KCNQ5: variants seen among roughly 807,000 people sequenced by gnomAD.
KCNQ5 encodes the protein potassium voltage-gated channel subfamily Q member 5.
A neutral mutation model predicts 98.2 loss-of-function variants in KCNQ5; 30 were observed. The ratio of observed to expected loss-of-function variants is 0.31; its 90% CI spans 0.23 to 0.41. The LOEUF (loss-of-function observed/expected upper bound fraction) is 0.41, where lower values mean the gene tolerates loss of function less well. Among genes scored for constraint, KCNQ5 ranks in the 10% least tolerant of loss-of-function variants. The pLI is 1.00. For missense variants in KCNQ5, 835 were observed against 1,182.5 expected, an observed-to-expected ratio of 0.71 and a Z score of 4.31; for synonymous variants, 458 against 449.4, an observed-to-expected ratio of 1.02 and a Z score of -0.24.
chr6:72,662,158 A>C (rs575319563), intron 1 of KCNQ5, among the ~76,000 whole-genome samples: 7 of 152,216 alleles, frequency 4.6e-5, no homozygotes, highest in Middle Eastern at 3.4e-3. Flanking sequence ...TTTTCCTCTC[A>C]GCACATTTAT....
intron 1 of KCNQ5, among the ~76,000 whole-genome samples, chr6:72,851,907 A>G (rs1307507743): frequency 2.6e-5 from 4 of 152,166 alleles, no homozygotes; most frequent in African/African-American, 9.6e-5. Flanking sequence ...GTAGATTGAT[A>G]TCAATAAATT....
intron 1 of KCNQ5, among the ~76,000 whole-genome samples, chr6:72,779,864 TG>T (rs1761773901): frequency 1.5e-5 from 2 of 131,880 alleles, no homozygotes; most frequent in Non-Finnish European, 3.5e-5. Flanking sequence ...TGTGTGTGTG[TG>T]TGTGTGTGTG....
At chr6:72,734,324 GTTTGTTTGTT>G (rs1770710648) in intron 1 of KCNQ5, among the ~76,000 whole-genome samples, 1 of 66,844 alleles carries the variant, frequency 1.5e-5, no homozygotes, top group African/African-American at 2.2e-4. Context: ...TTGTTTGTTT[GTTTGTTTGTT>G]TGTTTGAGAC....
chr6:72,946,304 A>G (rs914347080), intron 1 of KCNQ5, among the ~76,000 whole-genome samples: 17 of 152,228 alleles, frequency 1.1e-4, no homozygotes, highest in African/African-American at 3.9e-4. Flanking sequence ...TTACTTGATG[A>G]TTCTATTAAA....
At chr6:72,850,099 T>C (rs1305912180) in intron 1 of KCNQ5, among the ~76,000 whole-genome samples, 1 of 152,138 alleles carries the variant, frequency 6.6e-6, no homozygotes, top group Non-Finnish European at 1.5e-5. Flanking sequence ...AATATTAGGG[T>C]CTTCTTTTAC....
intron 1 of KCNQ5, among the ~76,000 whole-genome samples, chr6:72,797,818 A>T (rs1774421510): frequency 6.6e-6 from 1 of 152,196 alleles, no homozygotes; most frequent in Non-Finnish European, 1.5e-5. Context: ...ATATTAAATC[A>T]TTGGGATATT....
intron 1 of KCNQ5, among the ~76,000 whole-genome samples, chr6:72,823,503 A>C (rs866672165): frequency 2.6e-5 from 4 of 152,270 alleles, no homozygotes; most frequent in Middle Eastern, 6.8e-3. Flanking sequence ...CAGTGACACC[A>C]TTTCTTACTA....
intron 1 of KCNQ5, among the ~76,000 whole-genome samples, chr6:72,944,977 T>C (rs1385846487): frequency 1.3e-5 from 2 of 152,196 alleles, no homozygotes; most frequent in Admixed American, 6.5e-5. Flanking sequence ...TTGATTCTTA[T>C]TCCCTTAAGT....
At chr6:72,710,094 C>A (rs1287140369) in intron 1 of KCNQ5, among the ~76,000 whole-genome samples, 6 of 151,998 alleles carry the variant, frequency 3.9e-5, no homozygotes, top group Non-Finnish European at 8.8e-5. Context: ...TAGGAAAAGG[C>A]CTGGTCTTCT....
chr6:72,987,602 AG>A (rs1327724074), intron 1 of KCNQ5: 343 of 900 alleles, frequency 0.38, 1 homozygote, highest in Non-Finnish European at 0.42. Context: ...AGCCTGCAGC[AG>A]AACCTGCAGC....
At chr6:72,862,245 T>A (rs927636835) in intron 1 of KCNQ5, among the ~76,000 whole-genome samples, 1 of 152,190 alleles carries the variant, frequency 6.6e-6, no homozygotes, top group Admixed American at 6.5e-5. Flanking sequence ...TAGAACTGCT[T>A]CTTGGAAAGT....
At chr6:72,885,349 TA>T (rs1158564222) in intron 1 of KCNQ5, among the ~76,000 whole-genome samples, 1 of 152,128 alleles carries the variant, frequency 6.6e-6, no homozygotes, top group African/African-American at 2.4e-5. Flanking sequence ...CTGAAAAAGA[TA>T]AAAAATTCGA....
At chr6:72,881,102 A>T (rs1014459940) in intron 1 of KCNQ5, among the ~76,000 whole-genome samples, 5 of 152,212 alleles carry the variant, frequency 3.3e-5, no homozygotes, top group Non-Finnish European at 4.4e-5. Flanking sequence ...ACAGGGCTAA[A>T]TATTTTATAT....
intron 1 of KCNQ5, among the ~76,000 whole-genome samples, chr6:72,828,307 A>T (rs1776089265): frequency 6.6e-6 from 1 of 152,126 alleles, no homozygotes; most frequent in Non-Finnish European, 1.5e-5. Flanking sequence ...GAATCTGTAG[A>T]TTGCATTGGG....
At chr6:72,946,092 G>A (rs546525582) in intron 1 of KCNQ5, among the ~76,000 whole-genome samples, 1 of 152,186 alleles carries the variant, frequency 6.6e-6, no homozygotes, top group African/African-American at 2.4e-5. Context: ...CTTCAGCAGA[G>A]GTCATGCAGA....
At chr6:72,705,072 C>T (rs1769002850) in intron 1 of KCNQ5, among the ~76,000 whole-genome samples, 1 of 152,110 alleles carries the variant, frequency 6.6e-6, no homozygotes, top group Non-Finnish European at 1.5e-5. Context: ...TGCCTTTGCT[C>T]AATCTATTTT....
chr6:72,653,015 C>T (rs1009935990), intron 1 of KCNQ5, among the ~76,000 whole-genome samples: 1 of 152,094 alleles, frequency 6.6e-6, no homozygotes, highest in Non-Finnish European at 1.5e-5. Context: ...TATTCACAGA[C>T]AATCACAGGT....
At chr6:73,172,156 T>G (rs1382764768) in intron 11 of KCNQ5, among the ~76,000 whole-genome samples, 2 of 152,218 alleles carry the variant, frequency 1.3e-5, no homozygotes, top group Non-Finnish European at 2.9e-5. Context: ...TTGTGGATTC[T>G]TGACATTTTC....
At chr6:73,047,418 C>T (rs1364658354) in intron 3 of KCNQ5, among the ~76,000 whole-genome samples, 2 of 152,164 alleles carry the variant, frequency 1.3e-5, no homozygotes, top group Admixed American at 6.5e-5. Flanking sequence ...AAATTGGAGA[C>T]CTCTGGAGAG....
Sources: gnomAD v4.1 joint callset for allele counts (sites outside exome capture counted in the v4.1 genomes callset) on GRCh38, gnomAD v4.1.1 for gene constraint, MANE v1.5 for transcripts, NCBI Gene and HGNC (gene_info 2026-07-23, HGNC 2026-07-21) for gene names.